ANO5: variants seen among roughly 807,000 people sequenced by gnomAD.
The protein encoded by ANO5 is anoctamin 5, also known as anoctamin-5.
Under a neutral mutation model 121.0 loss-of-function variants are expected in ANO5, and 109 were observed. The ratio of observed to expected loss-of-function variants is 0.90; its 90% CI spans 0.77 to 1.06. The LOEUF (loss-of-function observed/expected upper bound fraction) is 1.06. Ranked by LOEUF, ANO5 falls within the 50% of genes least tolerant of loss-of-function variation. The probability of loss-of-function intolerance (pLI) is 0.00; values close to 1 mark genes in which losing one functional copy is unlikely to be tolerated. For missense variants in ANO5, 1,064 were observed against 1,078.5 expected, an observed-to-expected ratio of 0.99 and a Z score of 0.19; for synonymous variants, 406 against 359.9, an observed-to-expected ratio of 1.13 and a Z score of -1.45.
chr11:22,197,709 T>G (rs1023414531), intron 1 of ANO5, among the ~76,000 whole-genome samples: 6 of 152,236 alleles, frequency 3.9e-5, no homozygotes, highest in African/African-American at 1.4e-4. Flanking sequence ...GGAGTGTGTA[T>G]TCTTAGTCAT....
chr11:22,200,782 C>G (rs560810596), intron 1 of ANO5, among the ~76,000 whole-genome samples: 7 of 152,020 alleles, frequency 4.6e-5, no homozygotes, highest in Non-Finnish European at 1.0e-4. Flanking sequence ...TTGACACATA[C>G]AAAAAGTAAA....
intron 7 of ANO5, among the ~76,000 whole-genome samples, chr11:22,229,782 C>T (rs1852978231): frequency 6.6e-6 from 1 of 151,922 alleles, no homozygotes; most frequent in Non-Finnish European, 1.5e-5. Flanking sequence ...TCGAATTCAA[C>T]TTTAAAGCAC....
chr11:22,221,149 G>A lies in ANO5; in HGVS notation c.233G>A (p.Arg78Lys). The A allele has an allele frequency of 1.2e-6, 2 of 1,612,024 alleles. No individual in the cohort carries two copies. Among genetic ancestry groups the A allele is most frequent in the Non-Finnish European group, 1.7e-6 (2 of 1,178,756 alleles). ...KDSIFFRDGI[R>K]QIDFVLSYVD... Reference sequence around the variant, plus strand: ...TCTATCTTCTTCCGAGATGGGATTAGGCAAATTGATTTTGTGCTTTCCTAC... The same window carrying A: ...TCTATCTTCTTCCGAGATGGGATTAAGCAAATTGATTTTGTGCTTTCCTAC... The change falls in exon 5 of 22, where the codon AGG (arginine) becomes AAG (lysine). Residue 78 changes from arginine (R) to lysine (K), a missense_variant. Physicochemically the swap from Arg to Lys is conservative, Grantham distance 26. Coordinates refer to ENST00000324559, the MANE Select transcript of ANO5 (RefSeq NM_213599.3).
intron 14 of ANO5, 96 bp downstream of exon 14, chr11:22,257,850 T>C (rs1299895698): frequency 2.0e-6 from 2 of 1,019,596 alleles, no homozygotes; most frequent in East Asian, 5.2e-5. Flanking sequence ...GAGTCTTTCC[T>C]TTCCCTCTCC....
At chr11:22,255,568 A>C in intron 13 of ANO5, 46 bp downstream of exon 13, 1 of 1,598,974 alleles carries the variant, frequency 6.3e-7, no homozygotes. Context: ...CAATGGACAC[A>C]CTGCTATAGG....
chr11:22,227,086 CATAT>C (rs1157223382), intron 6 of ANO5, among the ~76,000 whole-genome samples: 1 of 152,004 alleles, frequency 6.6e-6, no homozygotes, highest in East Asian at 1.9e-4. Flanking sequence ...CTGTCTTTCA[CATAT>C]ATACACACAT....
chr11:22,265,530 T>G (rs1854329155), intron 17 of ANO5, among the ~76,000 whole-genome samples: 1 of 152,048 alleles, frequency 6.6e-6, no homozygotes, highest in Non-Finnish European at 1.5e-5. Context: ...ATTTGTTAGC[T>G]CCAAACAAAT....
chr11:22,216,292 T>G (rs1338600533), intron 3 of ANO5, among the ~76,000 whole-genome samples: 1 of 151,970 alleles, frequency 6.6e-6, no homozygotes, highest in African/African-American at 2.4e-5. Flanking sequence ...TGTACCATTT[T>G]TTATTCCTGC....
chr11:22,203,859 A>C lies in ANO5; in HGVS notation c.87+9A>C, dbSNP rs1479829512. Reference sequence around the variant, plus strand: ...CTTTCCAAATGAGTGAGGTAAGTTAAATATATATGCATTAACTTCCTTATA... The same window carrying C: ...CTTTCCAAATGAGTGAGGTAAGTTACATATATATGCATTAACTTCCTTATA... On this transcript the variant is annotated intron_variant, in intron 2 of 21. Coordinates refer to ENST00000324559, the MANE Select transcript of ANO5 (RefSeq NM_213599.3). 1.4e-6 allele frequency: 2 copies of C among 1,450,676 alleles called. No homozygotes were observed. The highest frequency in any genetic ancestry group is 2.3e-5 in the South Asian group (2 of 86,950). 89.9% of individuals were successfully genotyped at this position (1,450,676 alleles called of 1,614,324 possible).
Position 22,239,612 on chromosome 11 carries a change from A to G in ANO5, c.806A>G (p.Glu269Gly). 1 of 1,613,038 alleles carries G rather than the reference A, an allele frequency of 6.2e-7. No individual in the cohort carries two copies. Among genetic ancestry groups the G allele is most frequent in the South Asian group, 1.1e-5 (1 of 91,082 alleles). Residue 269 changes from glutamate to glycine, a missense_variant, in exon 9 of 22, where the codon GAA becomes GGA. Physicochemically the swap from Glu to Gly is moderately conservative, Grantham distance 98. Coordinates refer to ENST00000324559, the MANE Select transcript of ANO5 (RefSeq NM_213599.3). ...TCAGAACCTCCCAATCCTACCAATGAAAGATACACACTTCACCAGAATTGG... is the reference window on the plus strand; with the variant it reads ...TCAGAACCTCCCAATCCTACCAATGGAAGATACACACTTCACCAGAATTGG... The part of the protein sequence containing the change: ...KPSEPPNPTN[E>G]RYTLHQNWAR...
chr11:22,224,689 G>A (rs896567994), intron 5 of ANO5, among the ~76,000 whole-genome samples: 14 of 151,956 alleles, frequency 9.2e-5, no homozygotes, highest in African/African-American at 3.4e-4. Context: ...GTAAGACCAG[G>A]CAATTAAAGG....
At chr11:22,263,384 G>C (rs1170705869) in intron 17 of ANO5, among the ~76,000 whole-genome samples, 1 of 151,980 alleles carries the variant, frequency 6.6e-6, no homozygotes, top group Non-Finnish European at 1.5e-5. Context: ...ATTTCACTGG[G>C]ACATCTAAAT....
chr11:22,237,273 AT>A (rs202117111), intron 8 of ANO5, among the ~76,000 whole-genome samples: 1 of 152,122 alleles, frequency 6.6e-6, no homozygotes, highest in African/African-American at 2.4e-5. Context: ...ATAATTCCCC[AT>A]TTTTTTGAAA....
intron 18 of ANO5, among the ~76,000 whole-genome samples, chr11:22,272,231 T>A (rs1339988423): frequency 6.6e-6 from 1 of 151,586 alleles, no homozygotes; most frequent in Non-Finnish European, 1.5e-5. Flanking sequence ...TTTAGAAAGA[T>A]GTCATGATAG....
At chr11:22,277,123 A>G (rs898674211) in intron 21 of ANO5, among the ~76,000 whole-genome samples, 1 of 151,442 alleles carries the variant, frequency 6.6e-6, no homozygotes, top group Non-Finnish European at 1.5e-5. Context: ...GCAGTTATAT[A>G]TTTTTATTTT....
chr11:22,215,111 T>C (rs1852397584), intron 3 of ANO5, among the ~76,000 whole-genome samples: 1 of 151,826 alleles, frequency 6.6e-6, no homozygotes, highest in South Asian at 2.1e-4. Flanking sequence ...TGGTAAGTAT[T>C]TAGAGTTTAG....
chr11:22,240,851 A>T (rs1853406184), intron 9 of ANO5, among the ~76,000 whole-genome samples: 1 of 151,758 alleles, frequency 6.6e-6, no homozygotes, highest in African/African-American at 2.4e-5. Context: ...CTTCTCTTTC[A>T]TGCTAATATT....
At chr11:22,277,531 T>G (rs10766929) in intron 21 of ANO5, among the ~76,000 whole-genome samples, 82,492 of 151,186 alleles carry the variant, frequency 0.55, 25,238 homozygotes, top group Non-Finnish European at 0.68. Context: ...AATACAATAG[T>G]CAGGGTTTAT....
intron 3 of ANO5, among the ~76,000 whole-genome samples, chr11:22,215,582 C>A (rs1165657857): frequency 6.6e-6 from 1 of 151,894 alleles, no homozygotes; most frequent in Non-Finnish European, 1.5e-5. Flanking sequence ...AAATGTAATT[C>A]TTTATCTTCC....
Sources: gnomAD v4.1 joint callset for allele counts (sites outside exome capture counted in the v4.1 genomes callset) on GRCh38, gnomAD v4.1.1 for gene constraint, MANE v1.5 for transcripts, NCBI Gene and HGNC (gene_info 2026-07-23, HGNC 2026-07-21) for gene names.